IGBP1: variants seen among roughly 807,000 people sequenced by gnomAD.
The protein encoded by IGBP1 is immunoglobulin-binding protein 1.
In IGBP1, 2 loss-of-function variants were observed where a neutral mutation model predicts 25.9. The observed-to-expected ratio is 0.08, with a 90% CI of 0.03 to 0.24. The LOEUF (loss-of-function observed/expected upper bound fraction) is 0.24, where lower values mean the gene tolerates loss of function less well. IGBP1 is among the 10% of genes least tolerant of loss of function. IGBP1 has a pLI of 1.00. For synonymous variants in IGBP1, 96 were observed against 93.4 expected (o/e 1.03, Z -0.16); for missense variants, 187 against 260.4 (o/e 0.72, Z 1.94).
At chrX:70,164,663 A>G (rs2085287709) in intron 6 of IGBP1, among the ~76,000 whole-genome samples, 2 of 112,294 alleles carry the variant, frequency 1.8e-5, no homozygotes, top group Non-Finnish European at 3.8e-5. Context: ...TATAATGTAC[A>G]CAGAGAGGCT....
intron 6 of IGBP1, among the ~76,000 whole-genome samples, chrX:70,161,338 A>G (rs1355345400): frequency 8.9e-6 from 1 of 111,776 alleles, no homozygotes; most frequent in Non-Finnish European, 1.9e-5. Flanking sequence ...ATTCGGTTTC[A>G]CAGAGGATAA....
intron 6 of IGBP1, among the ~76,000 whole-genome samples, chrX:70,157,615 T>G (rs2085249012): frequency 8.9e-6 from 1 of 112,628 alleles, no homozygotes; most frequent in African/African-American, 3.2e-5. Context: ...GTTTGTTTGC[T>G]ATAAGTGACA....
intron 6 of IGBP1, among the ~76,000 whole-genome samples, chrX:70,156,303 A>T (rs60532107): frequency 0.027 from 2,914 of 109,205 alleles, 140 homozygotes; most frequent in Admixed American, 0.14. Flanking sequence ...AAAAAAAAAA[A>T]AAAAAAGTCT....
intron 3 of IGBP1, among the ~76,000 whole-genome samples, chrX:70,145,072 A>G (rs1653886791): frequency 9.1e-6 from 1 of 109,718 alleles, no homozygotes; most frequent in Non-Finnish European, 1.9e-5. Flanking sequence ...GCATACAGGT[A>G]GAGTTCTGTA....
At chrX:70,143,222 G>A (rs2085143354) in intron 3 of IGBP1, among the ~76,000 whole-genome samples, 2 of 110,927 alleles carry the variant, frequency 1.8e-5, no homozygotes, top group South Asian at 3.9e-4. Flanking sequence ...GCGCCCGGCC[G>A]AGATGGAGTT....
At chrX:70,150,960 CTTTTT>C (rs781386144) in intron 6 of IGBP1, among the ~76,000 whole-genome samples, 1 of 99,322 alleles carries the variant, frequency 1.0e-5, no homozygotes. Context: ...ACTCCTGTCA[CTTTTT>C]TTTTTTTTTT....
Position 70,166,025 on chromosome X carries a change from G to C in IGBP1, c.*44G>C. On this transcript the variant is annotated 3_prime_UTR_variant, in exon 7 of 7. Coordinates refer to ENST00000356413, the MANE Select transcript of IGBP1 (RefSeq NM_001551.3). Reference sequence around the variant, plus strand: ...GGACTGCAGGGTGCACAACTCCCCTGCCAAGGAAAACCATGCAGTCCTCCC... The same window carrying C: ...GGACTGCAGGGTGCACAACTCCCCTCCCAAGGAAAACCATGCAGTCCTCCC... 2 of 1,187,585 alleles carry C rather than the reference G, an allele frequency of 1.7e-6. No individual in the cohort carries two copies. Among genetic ancestry groups the C allele is most frequent in the Non-Finnish European group, 2.3e-6 (2 of 875,757 alleles).
intron 6 of IGBP1, among the ~76,000 whole-genome samples, chrX:70,163,383 C>T (rs1423501337): frequency 9.1e-6 from 1 of 110,222 alleles, no homozygotes; most frequent in South Asian, 3.9e-4. Context: ...AAAACAAGAC[C>T]AAATTATTCA....
intron 3 of IGBP1, among the ~76,000 whole-genome samples, chrX:70,143,606 G>A (rs1490657073): frequency 9.0e-6 from 1 of 110,639 alleles, no homozygotes; most frequent in Non-Finnish European, 1.9e-5. Flanking sequence ...GGGATTCTAG[G>A]GTAACAGGGA....
chrX:70,150,381 A>C, intron 6 of IGBP1, 59 bp downstream of exon 6: 1 of 710,486 alleles, frequency 1.4e-6, no homozygotes. Flanking sequence ...CTGGCAATTA[A>C]GTTCTTACCA....
chrX:70,142,924 T>G (rs912385111), intron 3 of IGBP1, among the ~76,000 whole-genome samples: 3 of 97,439 alleles, frequency 3.1e-5, no homozygotes, highest in Admixed American at 1.1e-4. Context: ...TTGTTTTTTT[T>G]TTTTTTTTTT....
chrX:70,134,348 A>G (rs926085529), intron 2 of IGBP1, among the ~76,000 whole-genome samples, 175 bp from the exon 3 acceptor site: 2 of 111,852 alleles, frequency 1.8e-5, no homozygotes, highest in African/African-American at 3.3e-5. Flanking sequence ...TGCTGATTGC[A>G]TAGGCATTGG....
intron 3 of IGBP1, among the ~76,000 whole-genome samples, chrX:70,142,399 CAG>C (rs998055640): frequency 9.0e-6 from 1 of 111,003 alleles, no homozygotes; most frequent in Non-Finnish European, 1.9e-5. Flanking sequence ...GTTTCTAAGA[CAG>C]GGGAAAGGCA....
At chrX:70,156,841 G>A (rs1002438701) in intron 6 of IGBP1, among the ~76,000 whole-genome samples, 2 of 111,631 alleles carry the variant, frequency 1.8e-5, no homozygotes, top group Non-Finnish European at 3.8e-5. Context: ...TCGGGAGGCC[G>A]AGGCAGGAGA....
Position 70,144,396 on chromosome X carries a change from C to T in IGBP1, c.483-2237C>T, listed in dbSNP as rs773920757. ...AGGTCCTCGTATGTTATTTTTTTCCCGTGACTTAGGTACATCCAGGAAAGA... is the reference window on the plus strand; with the variant it reads ...AGGTCCTCGTATGTTATTTTTTTCCTGTGACTTAGGTACATCCAGGAAAGA... On this transcript the variant is annotated intron_variant, in intron 3 of 6. Coordinates refer to ENST00000356413, the MANE Select transcript of IGBP1 (RefSeq NM_001551.3). 6.3e-5 allele frequency among the ~76,000 whole-genome samples: 7 copies of T among 110,981 alleles called. No individual in the cohort carries two copies. The East Asian group carries it at 8.5e-4, about 14-fold the overall frequency.
chrX:70,151,735 G>A (rs999260688), intron 6 of IGBP1, among the ~76,000 whole-genome samples: 6 of 109,705 alleles, frequency 5.5e-5, no homozygotes, highest in African/African-American at 1.7e-4. Flanking sequence ...AAAACCAGCC[G>A]AGCGTAGTGG....
chrX:70,149,732 CT>C (rs1285625074), intron 5 of IGBP1: 2 of 126,318 alleles, frequency 1.6e-5, no homozygotes, highest in Admixed American at 8.1e-5. Context: ...GAATTGTATA[CT>C]TTAAAGTTTT....
At chrX:70,145,297 A>G (rs1312716674) in intron 3 of IGBP1, among the ~76,000 whole-genome samples, 1 of 111,189 alleles carries the variant, frequency 9.0e-6, no homozygotes, top group Non-Finnish European at 1.9e-5. Context: ...TCTTACATCC[A>G]ATAAATCAAC....
intron 4 of IGBP1, among the ~76,000 whole-genome samples, chrX:70,147,894 T>C (rs1329245238): frequency 8.9e-6 from 1 of 112,088 alleles, no homozygotes; most frequent in Non-Finnish European, 1.9e-5. Flanking sequence ...AGCTCTTGCC[T>C]CAGGATAACA....
Sources: allele counts gnomAD v4.1 joint callset (sites outside exome capture counted in the v4.1 genomes callset), GRCh38; gene constraint gnomAD v4.1.1; transcripts MANE v1.5; gene names NCBI Gene and HGNC (gene_info 2026-07-23, HGNC 2026-07-21).